TBCK: variants seen among roughly 807,000 people sequenced by gnomAD.
TBCK encodes the protein TBC domain-containing protein kinase-like protein.
Under a neutral mutation model 113.4 loss-of-function variants are expected in TBCK, and 99 were observed. That is an observed-to-expected ratio of 0.87 (90% confidence interval 0.74 to 1.03). The LOEUF (loss-of-function observed/expected upper bound fraction) is 1.03. TBCK is among the 50% of genes least tolerant of loss of function. TBCK has a pLI of 0.00. For missense variants in TBCK, 1,045 were observed against 1,061.3 expected (o/e 0.98, Z 0.21); for synonymous variants, 369 against 370.8 (o/e 1.00, Z 0.05).
intron 20 of TBCK, among the ~76,000 whole-genome samples, chr4:106,198,205 A>C (rs548859073): frequency 1.3e-5 from 2 of 152,216 alleles, no homozygotes; most frequent in East Asian, 3.9e-4. Context: ...AAGTTAGTTA[A>C]CCTCTGTGAA....
At chr4:106,093,706 C>T (rs946085543) in intron 25 of TBCK, among the ~76,000 whole-genome samples, 4 of 152,060 alleles carry the variant, frequency 2.6e-5, no homozygotes, top group African/African-American at 7.2e-5. Flanking sequence ...GGAAGAGAAG[C>T]AGAAAAAATA....
rs759058439 is a variant in TBCK, at chr4:106,247,157, T to C, written c.913A>G (p.Ile305Val). 2 of 1,612,952 alleles carry C rather than the reference T, an allele frequency of 1.2e-6. No individual in the cohort carries two copies. The highest frequency in any genetic ancestry group is 1.3e-5 in the African/African-American group (1 of 74,986). Reference protein sequence around the residue: ...RCADLTLPEDISQLCKDINND... With the variant: ...RCADLTLPEDVSQLCKDINND... ...TCATTACCTTTACACAACTGACTGA[T>C]ATCCTCAGGCAGAGTTAAATCAGCA... Residue 305 changes from isoleucine (I) to valine (V), a missense_variant, in exon 10 of 26, where the codon ATC becomes GTC. By Grantham distance (29) the Ile-to-Val change is conservative. Coordinates refer to ENST00000394708, the MANE Select transcript of TBCK (RefSeq NM_001163435.3).
intron 20 of TBCK, among the ~76,000 whole-genome samples, chr4:106,211,282 T>C (rs748585801): frequency 6.6e-6 from 1 of 152,148 alleles, no homozygotes; most frequent in Non-Finnish European, 1.5e-5. Flanking sequence ...ACTCTAGCCA[T>C]AAGATTGGAT....
chr4:106,216,660 A>C (rs547056165), intron 19 of TBCK, among the ~76,000 whole-genome samples: 2 of 152,230 alleles, frequency 1.3e-5, no homozygotes, highest in Non-Finnish European at 2.9e-5. Flanking sequence ...TCCCAAGACT[A>C]AACCAGGAAG....
intron 20 of TBCK, among the ~76,000 whole-genome samples, chr4:106,196,478 T>G (rs1408095152): frequency 6.6e-6 from 1 of 152,000 alleles, no homozygotes; most frequent in Non-Finnish European, 1.5e-5. Flanking sequence ...GAGTAAAAGG[T>G]GCATATTGTC....
intron 22 of TBCK, among the ~76,000 whole-genome samples, chr4:106,190,124 T>C (rs1231957671): frequency 1.3e-5 from 2 of 152,212 alleles, no homozygotes; most frequent in Admixed American, 6.5e-5. Context: ...TAATAAGCTA[T>C]TTGATTAAGT....
At chr4:106,300,805 A>C (rs1459793312) in intron 2 of TBCK, among the ~76,000 whole-genome samples, 4 of 152,208 alleles carry the variant, frequency 2.6e-5, no homozygotes, top group Non-Finnish European at 1.5e-5. Flanking sequence ...ATAGCCTTTA[A>C]GAGCAGAATT....
At chr4:106,195,397 G>A (rs1198323857) in intron 20 of TBCK, among the ~76,000 whole-genome samples, 1 of 151,706 alleles carries the variant, frequency 6.6e-6, no homozygotes, top group African/African-American at 2.4e-5. Flanking sequence ...TTACTTTACA[G>A]GTTTGTACAG....
intron 19 of TBCK, chr4:106,213,512 C>G (rs1306414380): frequency 1.3e-5 from 2 of 159,726 alleles, no homozygotes; most frequent in East Asian, 3.7e-4. Context: ...TGGGTGCGCG[C>G]ACCGTGCGCG....
intron 23 of TBCK, among the ~76,000 whole-genome samples, chr4:106,166,163 CTAATA>C (rs995214575): frequency 6.6e-6 from 1 of 151,340 alleles, no homozygotes; most frequent in Non-Finnish European, 1.5e-5. Context: ...TTCTATTATA[CTAATA>C]TATTTGAACC....
At chr4:106,289,899 T>C (rs754753431) in intron 3 of TBCK, among the ~76,000 whole-genome samples, 1 of 152,094 alleles carries the variant, frequency 6.6e-6, no homozygotes, top group African/African-American at 2.4e-5. Flanking sequence ...GTTTTACAGA[T>C]AAGGAAAATG....
chr4:106,281,850 T>G (rs1176466014), intron 3 of TBCK, among the ~76,000 whole-genome samples: 1 of 152,104 alleles, frequency 6.6e-6, no homozygotes, highest in African/African-American at 2.4e-5. Context: ...TTCAGGGATA[T>G]TGGCCTGTAG....
chr4:106,295,785 T>A (rs1455114400), intron 2 of TBCK, among the ~76,000 whole-genome samples: 2 of 152,186 alleles, frequency 1.3e-5, no homozygotes, highest in Non-Finnish European at 2.9e-5. Context: ...CTTGAAGCCT[T>A]ATTGACAACA....
intron 22 of TBCK, among the ~76,000 whole-genome samples, chr4:106,187,418 T>C (rs562889869): frequency 8.6e-5 from 13 of 151,760 alleles, no homozygotes; most frequent in Admixed American, 2.6e-4. Flanking sequence ...TTTTTTTTTT[T>C]CCTTTTTTTC....
At chr4:106,311,724 T>C (rs28722963) in intron 1 of TBCK, among the ~76,000 whole-genome samples, 9,696 of 152,186 alleles carry the variant, frequency 0.064, 363 homozygotes, top group Non-Finnish European at 0.082. Flanking sequence ...ATGCTCTGTA[T>C]CTATATTTAT....
intron 19 of TBCK, among the ~76,000 whole-genome samples, chr4:106,224,164 T>TA (rs1195268313): frequency 4.6e-5 from 7 of 152,082 alleles, no homozygotes; most frequent in South Asian, 2.1e-4. Flanking sequence ...GAACTAAGTT[T>TA]AAAAAAACAG....
rs1421300790 is a variant in TBCK at position 106,160,418 on chromosome 4, C to CA, written c.2235+10676dup. 5.3e-5 allele frequency among the ~76,000 whole-genome samples: 8 copies of CA among 151,334 alleles called. No individual in the cohort carries two copies. The South Asian group carries it at 1.3e-3, about 24-fold the overall frequency. ...TATATAGAGAACTCCTAAAACTCAACAAAAAAAGAAACAACTCAAAAGACC... is the reference window on the plus strand; with the variant it reads ...TATATAGAGAACTCCTAAAACTCAACAAAAAAAAGAAACAACTCAAAAGACC... On this transcript the variant is annotated intron_variant, in intron 23 of 25. Coordinates refer to ENST00000394708, the MANE Select transcript of TBCK (RefSeq NM_001163435.3).
intron 23 of TBCK, among the ~76,000 whole-genome samples, chr4:106,116,646 C>T (rs1420442417): frequency 6.6e-6 from 1 of 152,118 alleles, no homozygotes; most frequent in African/African-American, 2.4e-5. Context: ...TACAGTTGTT[C>T]CCCATTGCTC....
At chr4:106,281,588 T>C (rs560211544) in intron 3 of TBCK, among the ~76,000 whole-genome samples, 12 of 152,200 alleles carry the variant, frequency 7.9e-5, no homozygotes, top group African/African-American at 2.4e-4. Flanking sequence ...TTATGTTGCT[T>C]ATATCCCTAG....
Sources: allele counts gnomAD v4.1 joint callset (sites outside exome capture counted in the v4.1 genomes callset), GRCh38; gene constraint gnomAD v4.1.1; transcripts MANE v1.5; gene names NCBI Gene and HGNC (gene_info 2026-07-23, HGNC 2026-07-21).